NPAS3: variants seen among roughly 807,000 people sequenced by gnomAD.
NPAS3 encodes neuronal PAS domain-containing protein 3.
In NPAS3, 14 loss-of-function variants were observed where a neutral mutation model predicts 73.1. That is an observed-to-expected ratio of 0.19 (90% CI 0.13 to 0.30). NPAS3 has a LOEUF of 0.30. NPAS3 is among the 10% of genes least tolerant of loss of function. The pLI is 1.00. For missense variants in NPAS3, 1,096 were observed against 1,250.0 expected, an observed-to-expected ratio of 0.88 and a Z score of 1.86; for synonymous variants, 620 against 541.5, an observed-to-expected ratio of 1.14 and a Z score of -2.01.
chr14:33,285,435 A>G (rs1324103895), intron 3 of NPAS3, among the ~76,000 whole-genome samples: 1 of 152,166 alleles, frequency 6.6e-6, no homozygotes, highest in East Asian at 1.9e-4. Flanking sequence ...TTCTCCTTCC[A>G]ATTCATCTTG....
At chr14:33,313,019 TC>T (rs1222425725) in intron 3 of NPAS3, among the ~76,000 whole-genome samples, 7 of 152,030 alleles carry the variant, frequency 4.6e-5, no homozygotes, top group African/African-American at 1.7e-4. Context: ...GCTTTTCCTG[TC>T]CTGAAATGAG....
chr14:33,418,891 CT>C (rs533311457), intron 4 of NPAS3, among the ~76,000 whole-genome samples: 2 of 152,018 alleles, frequency 1.3e-5, no homozygotes, highest in South Asian at 4.1e-4. Context: ...CTTTGTGCAT[CT>C]GTTAACAGTT....
At chr14:33,259,841 TAAGC>T (rs914309429) in intron 3 of NPAS3, among the ~76,000 whole-genome samples, 1 of 136,116 alleles carries the variant, frequency 7.3e-6, no homozygotes, top group African/African-American at 2.7e-5. Flanking sequence ...AAATAAATAA[TAAGC>T]AGCAGCAGCA....
chr14:33,460,014 T>G (rs1326509992), intron 4 of NPAS3, among the ~76,000 whole-genome samples: 1 of 152,210 alleles, frequency 6.6e-6, no homozygotes, highest in African/African-American at 2.4e-5. Context: ...CATAGAAAAT[T>G]ACACAGAAGG....
At chr14:33,308,527 T>TATATATATATATATATATATATACAC in intron 3 of NPAS3, among the ~76,000 whole-genome samples, 67 of 103,630 alleles carry the variant, frequency 6.5e-4, no homozygotes, top group Middle Eastern at 4.4e-3. Context: ...TATATATATA[T>TATATATATATATATATATATATACAC]ACATACACAC....
At chr14:33,216,751 T>C (rs916299207) in intron 3 of NPAS3, among the ~76,000 whole-genome samples, 1 of 152,162 alleles carries the variant, frequency 6.6e-6, no homozygotes, top group African/African-American at 2.4e-5. Flanking sequence ...ATTTGTCCCA[T>C]AGGCTATAGT....
intron 7 of NPAS3, among the ~76,000 whole-genome samples, chr14:33,773,527 C>T (rs1357747285): frequency 1.3e-5 from 2 of 152,210 alleles, no homozygotes; most frequent in South Asian, 2.1e-4. Context: ...AGGAAGTTGT[C>T]GCTATGGCTC....
At chr14:33,786,865 T>A (rs188287387) in intron 9 of NPAS3, among the ~76,000 whole-genome samples, 2 of 152,272 alleles carry the variant, frequency 1.3e-5, no homozygotes, top group East Asian at 3.9e-4. Context: ...TGATGGAGAC[T>A]AACGTAGGAC....
At chr14:32,956,458 T>G (rs968972473) in intron 1 of NPAS3, among the ~76,000 whole-genome samples, 6 of 152,182 alleles carry the variant, frequency 3.9e-5, no homozygotes, top group Admixed American at 1.3e-4. Context: ...TGATTGATAG[T>G]GGTGAACATT....
At chr14:32,980,176 T>A (rs777878674) in intron 1 of NPAS3, among the ~76,000 whole-genome samples, 24 of 152,294 alleles carry the variant, frequency 1.6e-4, no homozygotes, top group Non-Finnish European at 3.2e-4. Flanking sequence ...TACCTTGAAA[T>A]GTTGTTTCCC....
intron 2 of NPAS3, among the ~76,000 whole-genome samples, chr14:33,184,335 G>A (rs921135220): frequency 6.6e-6 from 1 of 152,150 alleles, no homozygotes; most frequent in Non-Finnish European, 1.5e-5. Flanking sequence ...AGGAGAGTGA[G>A]AGAAGGGCTG....
chr14:33,266,086 C>A (rs968393598), intron 3 of NPAS3, among the ~76,000 whole-genome samples: 1 of 151,842 alleles, frequency 6.6e-6, no homozygotes, highest in African/African-American at 2.4e-5. Context: ...GCTAACATTG[C>A]AGAATTGTTA....
chr14:33,417,498 A>G (rs1193258724), intron 4 of NPAS3, among the ~76,000 whole-genome samples: 1 of 152,076 alleles, frequency 6.6e-6, no homozygotes, highest in Non-Finnish European at 1.5e-5. Flanking sequence ...GGGAAAAATG[A>G]CTAGCAGGCC....
intron 5 of NPAS3, chr14:33,608,674 C>T (rs144058642): frequency 2.6e-5 from 4 of 152,026 alleles, no homozygotes; most frequent in East Asian, 1.9e-4. Context: ...TAGGGCTACA[C>T]GTGCAGGTTT....
chr14:33,746,979 G>A lies in NPAS3; in HGVS notation c.852+11647G>A, dbSNP rs184423216. ...CTCATTGTTCAATTCCCACCTATGAGTGAGAATATGCAGTGTTTGGTTTTT... is the reference window on the plus strand; with the variant it reads ...CTCATTGTTCAATTCCCACCTATGAATGAGAATATGCAGTGTTTGGTTTTT... On this transcript the variant is annotated intron_variant, in intron 7 of 11. Transcript: ENST00000356141. Among the ~76,000 whole-genome samples, 1,376 of 150,542 alleles carry A rather than the reference G, an allele frequency of 9.1e-3. 12 individuals carry two copies. Among genetic ancestry groups the A allele is most frequent in the Middle Eastern group, 0.017 (5 of 294 alleles).
In NPAS3 at chr14:33,039,832, T is replaced by G. The variant is rs370772119; in HGVS notation, c.51-16073T>G. Among the ~76,000 whole-genome samples the G allele has an allele frequency of 5.3e-5, 8 of 152,342 alleles. No homozygotes were observed. In the East Asian group the frequency reaches 1.2e-3, roughly 22 times the overall value. Reference sequence around the variant, plus strand: ...CACACAGGGGCCTGGGGTCTGGGAATCAGGCCTTTAAATTAATCTGGCTAA... The same window carrying G: ...CACACAGGGGCCTGGGGTCTGGGAAGCAGGCCTTTAAATTAATCTGGCTAA... On this transcript the variant is annotated intron_variant, in intron 1 of 11. Coordinates refer to ENST00000356141, the Ensembl canonical transcript of NPAS3.
intron 2 of NPAS3, among the ~76,000 whole-genome samples, chr14:33,203,784 T>C (rs1340188374): frequency 1.3e-5 from 2 of 152,176 alleles, no homozygotes; most frequent in Non-Finnish European, 2.9e-5. Flanking sequence ...AATAAACATA[T>C]GTGTGCATGT....
chr14:33,533,827 A>C (rs2054142386), intron 4 of NPAS3, among the ~76,000 whole-genome samples: 2 of 152,134 alleles, frequency 1.3e-5, no homozygotes, highest in Non-Finnish European at 2.9e-5. Flanking sequence ...CATATATGTT[A>C]CACATCATAT....
intron 3 of NPAS3, among the ~76,000 whole-genome samples, chr14:33,260,870 G>C (rs1378860503): frequency 6.6e-6 from 1 of 151,960 alleles, no homozygotes; most frequent in Non-Finnish European, 1.5e-5. Flanking sequence ...TTTGCCTGTT[G>C]AATGAAGTCA....
Sources: allele counts gnomAD v4.1 joint callset (sites outside exome capture counted in the v4.1 genomes callset), GRCh38; gene constraint gnomAD v4.1.1; transcripts MANE v1.5; gene names NCBI Gene and HGNC (gene_info 2026-07-23, HGNC 2026-07-21).